The following TIPIN variants were observed in gnomAD, a reference collection of about 807,000 sequenced individuals.
The protein encoded by TIPIN is TIMELESS interacting protein.
A neutral mutation model predicts 35.6 loss-of-function variants in TIPIN; 29 were observed. The observed-to-expected ratio is 0.82, with a 90% CI of 0.61 to 1.11. TIPIN has a LOEUF of 1.11. Ranked by LOEUF, TIPIN falls within the 50% of genes most tolerant of loss-of-function variation. The pLI is 0.00. For synonymous variants in TIPIN, 102 were observed against 121.5 expected (o/e 0.84, Z 1.06); for missense variants, 296 against 345.4 (o/e 0.86, Z 1.13).
chr15:66,384,822 G>A (rs1433571071), intron 1 of TIPIN, among the ~76,000 whole-genome samples: 1 of 151,742 alleles, frequency 6.6e-6, no homozygotes, highest in African/African-American at 2.4e-5. Context: ...TGAGGCAGGA[G>A]AATCACTTGA....
chr15:66,353,896 G>A (rs770412751), intron 1 of TIPIN, among the ~76,000 whole-genome samples: 21 of 151,820 alleles, frequency 1.4e-4, no homozygotes, highest in Non-Finnish European at 2.2e-4. Flanking sequence ...AGAGGCAGAC[G>A]GACCATGAGG....
At chr15:66,364,897 G>C (rs1353351802) in intron 1 of TIPIN, among the ~76,000 whole-genome samples, 3 of 141,116 alleles carry the variant, frequency 2.1e-5, no homozygotes, top group African/African-American at 7.9e-5. Context: ...ACCCGAGAGG[G>C]AGAAGTTGCA....
chr15:66,339,150 AAAAAAAAGC>A, intron 7 of TIPIN, among the ~76,000 whole-genome samples: 1 of 54,412 alleles, frequency 1.8e-5, no homozygotes. Context: ...AAAAAAAAAA[AAAAAAAAGC>A]AAAAAGAAAA....
At chr15:66,364,044 C>A (rs141713204) in intron 1 of TIPIN, among the ~76,000 whole-genome samples, 1 of 151,764 alleles carries the variant, frequency 6.6e-6, no homozygotes, top group Non-Finnish European at 1.5e-5. Context: ...CCCCATGACC[C>A]AAACACTTCC....
chr15:66,363,270 G>A (rs2093238919), intron 1 of TIPIN, among the ~76,000 whole-genome samples: 2 of 152,080 alleles, frequency 1.3e-5, no homozygotes, highest in South Asian at 4.1e-4. Context: ...GACTTTGGGA[G>A]GCCGAGGCGG....
intron 1 of TIPIN, among the ~76,000 whole-genome samples, chr15:66,381,820 T>C (rs1485360741): frequency 1.3e-5 from 2 of 152,178 alleles, no homozygotes; most frequent in African/African-American, 4.8e-5. Flanking sequence ...TCCCACCACT[T>C]TGGGAGGCCG....
chr15:66,368,372 G>A (rs1360590700), intron 1 of TIPIN, among the ~76,000 whole-genome samples: 2 of 149,324 alleles, frequency 1.3e-5, no homozygotes, highest in East Asian at 3.9e-4. Flanking sequence ...AAAAAAAAGC[G>A]CTGGGTATGG....
intron 1 of TIPIN, among the ~76,000 whole-genome samples, chr15:66,356,130 T>C (rs957789918): frequency 2.0e-5 from 3 of 152,048 alleles, no homozygotes; most frequent in Admixed American, 6.6e-5. Context: ...AGACCCTGGT[T>C]TCCAATGCCC....
At chr15:66,375,641 C>A (rs1005136345) in intron 1 of TIPIN, among the ~76,000 whole-genome samples, 2 of 150,126 alleles carry the variant, frequency 1.3e-5, no homozygotes, top group Admixed American at 6.7e-5. Flanking sequence ...GAGTTTGAGA[C>A]CAACCTGGCC....
intron 1 of TIPIN, among the ~76,000 whole-genome samples, chr15:66,371,970 T>G (rs2093279382): frequency 6.6e-6 from 1 of 152,104 alleles, no homozygotes; most frequent in Non-Finnish European, 1.5e-5. Flanking sequence ...AATTTTTGTA[T>G]TTTTTATAGA....
At chr15:66,339,873 CATT>C in intron 7 of TIPIN, among the ~76,000 whole-genome samples, 1 of 150,988 alleles carries the variant, frequency 6.6e-6, no homozygotes, top group East Asian at 2.0e-4. Flanking sequence ...CAAGAAAAAG[CATT>C]TTTTTTTTTT....
At chr15:66,350,147 A>G (rs533821494) in intron 4 of TIPIN, among the ~76,000 whole-genome samples, 3 of 151,858 alleles carry the variant, frequency 2.0e-5, no homozygotes, top group African/African-American at 7.2e-5. Context: ...ATTTTTTAGT[A>G]GAGAGGAGGT....
chr15:66,347,087 G>A (rs62627307), intron 6 of TIPIN: 8,620 of 310,488 alleles, frequency 0.028, 426 homozygotes, highest in African/African-American at 0.11. Flanking sequence ...GAGCCACCGC[G>A]CCCGGCCTAA....
intron 6 of TIPIN, among the ~76,000 whole-genome samples, 175 bp downstream of exon 6, chr15:66,348,885 C>A (rs892547107): frequency 1.3e-5 from 2 of 152,142 alleles, no homozygotes; most frequent in African/African-American, 4.8e-5. Context: ...TTGAAGGCTG[C>A]AGTAAGCTAT....
At chr15:66,367,234 A>ATATCTATATCTG (rs1566983187) in intron 1 of TIPIN, among the ~76,000 whole-genome samples, 40 of 130,784 alleles carry the variant, frequency 3.1e-4, no homozygotes, top group African/African-American at 8.9e-4. Context: ...ATCTGTATCT[A>ATATCTATATCTG]TATCTATATC....
intron 1 of TIPIN, among the ~76,000 whole-genome samples, chr15:66,366,052 C>T (rs1490915882): frequency 6.6e-6 from 1 of 151,876 alleles, no homozygotes; most frequent in African/African-American, 2.4e-5. Flanking sequence ...TATACTGCAG[C>T]ATGAATTGCC....
At chr15:66,339,635 A>G (rs566660181) in intron 7 of TIPIN, among the ~76,000 whole-genome samples, 4 of 152,260 alleles carry the variant, frequency 2.6e-5, no homozygotes, top group South Asian at 2.1e-4. Context: ...TGGAAGCCCA[A>G]TGCTGGAGGA....
rs1250395853 is a variant in TIPIN at position 66,337,112 on chromosome 15, T to C, written c.752A>G (p.Glu251Gly). 1 of 1,613,950 alleles carries C rather than the reference T, an allele frequency of 6.2e-7. No individual in the cohort carries two copies. Residue 251 changes from glutamate to glycine, a missense_variant, in exon 8 of 8, where the codon GAG becomes GGG. Physicochemically the swap from Glu to Gly is moderately conservative, Grantham distance 98. Coordinates refer to ENST00000261881, the MANE Select transcript of TIPIN (RefSeq NM_017858.3). ...EVNTDEDQKEESNGLNEDILD... is the reference protein window; with the variant it reads ...EVNTDEDQKEGSNGLNEDILD... ...AATGTCTTCGTTTAATCCATTTGAC[T>C]CCTCCTTTTGATCCTCATCAGTATT...
At chr15:66,375,285 T>G (rs2093292311) in intron 1 of TIPIN, among the ~76,000 whole-genome samples, 2 of 151,760 alleles carry the variant, frequency 1.3e-5, no homozygotes, top group Admixed American at 1.3e-4. Context: ...GTAAGACCCC[T>G]CCTCTTAAAA....
Sources: allele counts gnomAD v4.1 joint callset (sites outside exome capture counted in the v4.1 genomes callset), GRCh38; gene constraint gnomAD v4.1.1; transcripts MANE v1.5; gene names NCBI Gene and HGNC (gene_info 2026-07-23, HGNC 2026-07-21).